Variants in ADGRL3 observed in about 807,000 individuals in gnomAD.
ADGRL3 encodes calcium-independent alpha-latrotoxin receptor 3.
In ADGRL3, 62 loss-of-function variants were observed where a neutral mutation model predicts 153.5. That is an observed-to-expected ratio of 0.40 (90% CI 0.33 to 0.50). ADGRL3 has a LOEUF of 0.50. ADGRL3 is among the 20% of genes least tolerant of loss of function. The pLI, the probability that ADGRL3 is intolerant of heterozygous loss-of-function variation, is 0.47. For missense variants in ADGRL3, 1,641 were observed against 1,859.4 expected (o/e 0.88, Z 2.16); for synonymous variants, 710 against 672.5 (o/e 1.06, Z -0.86).
intron 21 of ADGRL3, among the ~76,000 whole-genome samples, chr4:62,006,025 TATATA>T (rs1245756124): frequency 3.9e-5 from 4 of 102,622 alleles, no homozygotes; most frequent in South Asian, 7.2e-4. Context: ...TATATATATA[TATATA>T]TATTTTTTTT....
At chr4:62,004,313 C>A (rs968727603) in intron 21 of ADGRL3, among the ~76,000 whole-genome samples, 1 of 151,762 alleles carries the variant, frequency 6.6e-6, no homozygotes, top group Non-Finnish European at 1.5e-5. Context: ...ATACTATAGT[C>A]AAAGCAGTAA....
At chr4:61,322,673 A>C (rs2095383826) in intron 1 of ADGRL3, among the ~76,000 whole-genome samples, 2 of 152,226 alleles carry the variant, frequency 1.3e-5, no homozygotes, top group South Asian at 4.1e-4. Flanking sequence ...TCCATGTCTT[A>C]CATTCAGGTC....
chr4:61,840,183 C>T (rs1442872186), intron 9 of ADGRL3, among the ~76,000 whole-genome samples: 1 of 152,064 alleles, frequency 6.6e-6, no homozygotes, highest in Admixed American at 6.6e-5. Flanking sequence ...GGGTTCAAGC[C>T]ATTCTCCTGC....
In ADGRL3 at chr4:61,727,548, T is replaced by C. The variant is rs183010309; in HGVS notation, c.584-3074T>C. ...CAGTTGTCATCATGCAATTCATTTA[T>C]TTATTATCTCATTACAGAGAGGAGG... On this transcript the variant is annotated intron_variant, in intron 6 of 26. Coordinates refer to ENST00000683033, the MANE Select transcript of ADGRL3 (RefSeq NM_001387552.1). 2.0e-5 allele frequency among the ~76,000 whole-genome samples: 3 copies of C among 152,282 alleles called. No homozygotes were observed. In the East Asian group the frequency reaches 5.8e-4, roughly 29 times the overall value.
rs567743767 is a variant in ADGRL3 at position 61,644,273 on chromosome 4, T to TTTTTTTG, written c.474-32552_474-32551insTTTTTGT. ...ATTCATTAATTTTTTGAAGGGTTTTTTGTGTCTCTATTTCCTTCAGTTCTG... is the reference window on the plus strand; with the variant it reads ...ATTCATTAATTTTTTGAAGGGTTTTTTTTTTTGTGTGTCTCTATTTCCTTCAGTTCTG... On this transcript the variant is annotated intron_variant, in intron 5 of 26. Transcript: ENST00000683033. Among the ~76,000 whole-genome samples the TTTTTTTG allele has an allele frequency of 3.3e-5, 5 of 149,532 alleles. No homozygotes were observed. In the South Asian group the frequency reaches 6.4e-4, roughly 19 times the overall value.
intron 9 of ADGRL3, among the ~76,000 whole-genome samples, chr4:61,859,664 A>T (rs2098319668): frequency 6.6e-6 from 1 of 152,208 alleles, no homozygotes; most frequent in South Asian, 2.1e-4. Context: ...TTAAATGTAA[A>T]TAAGTTTTAA....
At chr4:61,975,907 C>A (rs2099046234) in intron 17 of ADGRL3, among the ~76,000 whole-genome samples, 1 of 151,896 alleles carries the variant, frequency 6.6e-6, no homozygotes, top group African/African-American at 2.4e-5. Context: ...AGCAGGAGGG[C>A]AGAATAGGAT....
rs996104551 is a variant in ADGRL3, at chr4:62,078,128, A to G, written c.*7220A>G. ...ATAAGAAAGTCACTTTTTAGAAACA[A>G]GAATATAGCTATTGTGGCTTTGGTC... On this transcript the variant is annotated 3_prime_UTR_variant, in exon 27 of 27. Coordinates refer to ENST00000683033, the MANE Select transcript of ADGRL3 (RefSeq NM_001387552.1). 1 of 152,064 alleles carries G rather than the reference A, an allele frequency of 6.6e-6. No individual in the cohort carries two copies. The highest frequency in any genetic ancestry group is 2.4e-5 in the African/African-American group (1 of 41,456). 9.4% of individuals were successfully genotyped at this position (152,064 alleles called of 1,614,324 possible).
At chr4:61,908,850 C>T (rs1206626835) in intron 11 of ADGRL3, among the ~76,000 whole-genome samples, 1 of 152,068 alleles carries the variant, frequency 6.6e-6, no homozygotes, top group African/African-American at 2.4e-5. Flanking sequence ...TTCCTAACTT[C>T]GAATTACCCA....
chr4:61,620,222 GAAGAGATTTTT>G (rs919643681), intron 5 of ADGRL3, among the ~76,000 whole-genome samples: 8 of 152,138 alleles, frequency 5.3e-5, no homozygotes, highest in South Asian at 4.1e-4. Context: ...AAATGACAAT[GAAGAGATTTTT>G]AAGACATACA....
chr4:61,377,942 C>A (rs1453108961), intron 1 of ADGRL3, among the ~76,000 whole-genome samples: 7 of 151,902 alleles, frequency 4.6e-5, no homozygotes, highest in African/African-American at 1.7e-4. Flanking sequence ...GTGATTTCAT[C>A]TTTGACCCTT....
intron 13 of ADGRL3, among the ~76,000 whole-genome samples, chr4:61,923,638 C>A (rs1198679434): frequency 6.6e-6 from 1 of 152,196 alleles, no homozygotes; most frequent in Non-Finnish European, 1.5e-5. Context: ...CTTTCTCCTT[C>A]TCTTCATTCC....
intron 4 of ADGRL3, among the ~76,000 whole-genome samples, chr4:61,561,583 G>T (rs10030966): frequency 0.18 from 27,807 of 151,742 alleles, 2,854 homozygotes; most frequent in Non-Finnish European, 0.23. Flanking sequence ...AATTTTAGAA[G>T]ATCTTAAATA....
rs77828416 is a variant in ADGRL3 at position 61,612,986 on chromosome 4, T to C, written c.473+25546T>C. ...TCAACCAGGTGCATTTATTTGCTTC[T>C]TTTTTTTTAATCATCCTAAATCACT... On this transcript the variant is annotated intron_variant, in intron 5 of 26. Coordinates refer to ENST00000683033, the MANE Select transcript of ADGRL3 (RefSeq NM_001387552.1). 3.8e-3 allele frequency among the ~76,000 whole-genome samples: 571 copies of C among 151,560 alleles called. 14 individuals carry two copies. The South Asian group carries it at 0.061, about 16-fold the overall frequency.
rs549539016 is a variant in ADGRL3, at chr4:61,645,003, C to G, written c.474-31823C>G. 7.2e-5 allele frequency among the ~76,000 whole-genome samples: 11 copies of G among 152,212 alleles called. No homozygotes were observed. In the South Asian group the frequency reaches 2.1e-3, roughly 29 times the overall value. ...GTGCATATATATTTAGGATAGTTAG[C>G]TCTTCTTGTTGAATTGATCCTTTAC... On this transcript the variant is annotated intron_variant, in intron 5 of 26. Coordinates refer to ENST00000683033, the MANE Select transcript of ADGRL3 (RefSeq NM_001387552.1).
chr4:61,786,554 C>A (rs1299194271), intron 8 of ADGRL3, among the ~76,000 whole-genome samples: 1 of 152,130 alleles, frequency 6.6e-6, no homozygotes, highest in Non-Finnish European at 1.5e-5. Flanking sequence ...TGGCAAGGCA[C>A]CCTTAGCTGC....
chr4:61,244,927 T>C (rs961808359), intron 1 of ADGRL3, among the ~76,000 whole-genome samples: 1 of 152,006 alleles, frequency 6.6e-6, no homozygotes, highest in Non-Finnish European at 1.5e-5. Context: ...CTTTTTGTAA[T>C]GGAAGAGTGT....
At chr4:62,007,383 T>TATATATATATACAC (rs71213024) in intron 21 of ADGRL3, among the ~76,000 whole-genome samples, 11 of 30,762 alleles carry the variant, frequency 3.6e-4, no homozygotes, top group East Asian at 6.7e-4. Context: ...TATATATATA[T>TATATATATATACAC]ACACACACAC....
At chr4:61,358,576 G>C (rs565506845) in intron 1 of ADGRL3, among the ~76,000 whole-genome samples, 1 of 122,872 alleles carries the variant, frequency 8.1e-6, no homozygotes, top group Non-Finnish European at 1.6e-5. Context: ...CAGCCTGGGC[G>C]ACAGAGCGAG....
Sources: allele counts gnomAD v4.1 joint callset (sites outside exome capture counted in the v4.1 genomes callset), GRCh38; gene constraint gnomAD v4.1.1; transcripts MANE v1.5; gene names NCBI Gene and HGNC (gene_info 2026-07-23, HGNC 2026-07-21).